CD36: variants seen among roughly 807,000 people sequenced by gnomAD.
The protein encoded by CD36 is platelet glycoprotein 4.
Under a neutral mutation model 55.2 loss-of-function variants are expected in CD36, and 119 were observed. The observed-to-expected ratio is 2.15, with a 90% confidence interval of 1.86 to 2.51. CD36 has a LOEUF of 2.51. CD36 is among the 30% of genes most tolerant of loss of function. CD36 has a pLI of 0.00. For synonymous variants in CD36, 186 were observed against 193.6 expected, an observed-to-expected ratio of 0.96 and a Z score of 0.33; for missense variants, 819 against 555.5, an observed-to-expected ratio of 1.47 and a Z score of -4.77.
Position 80,663,108 on chromosome 7 carries a change from G to A in CD36, c.548G>A (p.Arg183Lys). 6.2e-7 allele frequency: 1 copy of A among 1,613,732 alleles called. No individual in the cohort carries two copies. Among genetic ancestry groups the A allele is most frequent in the African/African-American group, 1.3e-5 (1 of 75,026 alleles). The stretch of plus-strand genomic sequence containing the variant: ...TTGAGAGAACTGTTATGGGGCTATA[G>A]GGATCCATTTTTGAGTTTGGTTCCG... The part of the protein sequence containing the change: ...RTLRELLWGY[R>K]DPFLSLVPYP... The change falls in exon 6 of 15, where the codon AGG (arginine) becomes AAG (lysine). Residue 183 changes from arginine to lysine, a missense_variant. Transcript: ENST00000447544.
intron 10 of CD36, 131 bp from the exon 11 acceptor site, chr7:80,671,791 C>T (rs903050726): frequency 4.0e-6 from 3 of 746,110 alleles, no homozygotes; most frequent in Non-Finnish European, 6.8e-6. Context: ...TGACATAATT[C>T]TTCCCCACCC....
At chr7:80,672,734 T>A in intron 11 of CD36, 36 bp from the exon 12 acceptor site, 1 of 1,412,604 alleles carries the variant, frequency 7.1e-7, no homozygotes, top group South Asian at 1.2e-5. Flanking sequence ...ATAATGTTTT[T>A]AAAAGTTGGT....
At chr7:80,672,175 A>C in intron 11 of CD36, 135 bp downstream of exon 11, 1 of 725,724 alleles carries the variant, frequency 1.4e-6, no homozygotes, top group Admixed American at 2.5e-5. Context: ...AGTTACTGAA[A>C]CTTAGGTCGA....
Position 80,672,783 on chromosome 7 carries a change from C to G in CD36, c.1139C>G (p.Thr380Ser), listed in dbSNP as rs200194486. The stretch of plus-strand genomic sequence containing the variant: ...TTCTCTTTTTAGATAACTGGATTCA[C>G]TTTACAATTTGCAAAACGGCTGCAG... ...YLDIEPITGF[T>S]LQFAKRLQVN... Residue 380 changes from threonine to serine, a missense_variant, in exon 12 of 15, where the codon ACT becomes AGT. Physicochemically the swap from Thr to Ser is moderately conservative, Grantham distance 58 (BLOSUM62 1). Transcript: ENST00000447544. 16 of 1,608,564 alleles carry G rather than the reference C, an allele frequency of 9.9e-6. No individual in the cohort carries two copies. The highest frequency in any genetic ancestry group is 1.7e-5 in the Admixed American group (1 of 59,710).
intron 1 of CD36, among the ~76,000 whole-genome samples, chr7:80,623,271 T>C (rs2115931127): frequency 6.6e-6 from 1 of 152,178 alleles, no homozygotes; most frequent in South Asian, 2.1e-4. Flanking sequence ...CAAACTCTCA[T>C]ATATACACAA....
chr7:80,670,455 ATC>A (rs1322897687), intron 9 of CD36: 5 of 223,796 alleles, frequency 2.2e-5, no homozygotes, highest in Non-Finnish European at 4.4e-5. Flanking sequence ...GGCATTTAAC[ATC>A]TCTGAATTTT....
intron 1 of CD36, among the ~76,000 whole-genome samples, chr7:80,618,336 C>T (rs35355478): frequency 6.6e-6 from 1 of 152,144 alleles, no homozygotes; most frequent in Non-Finnish European, 1.5e-5. Context: ...ACCGTAGTCC[C>T]TGAGACATGA....
At chr7:80,641,338 A>G (rs1277967275) in intron 1 of CD36, among the ~76,000 whole-genome samples, 1 of 152,112 alleles carries the variant, frequency 6.6e-6, no homozygotes, top group Non-Finnish European at 1.5e-5. Context: ...GTGTCTTTAT[A>G]AACATACATA....
At chr7:80,618,418 A>G (rs1411853053) in intron 1 of CD36, among the ~76,000 whole-genome samples, 2 of 152,164 alleles carry the variant, frequency 1.3e-5, no homozygotes, top group African/African-American at 4.8e-5. Context: ...AGTGTCACAC[A>G]TCTCTTTAAA....
chr7:80,666,204 C>T, intron 7 of CD36: 1 of 467,046 alleles, frequency 2.1e-6, no homozygotes. Flanking sequence ...CAAGATGTTT[C>T]TAATTAACAC....
At chr7:80,670,176 CA>C (rs913638485) in intron 9 of CD36, 154 bp downstream of exon 9, 199 of 605,030 alleles carry the variant, frequency 3.3e-4, no homozygotes, top group South Asian at 8.2e-4. Context: ...TTTAATAGTA[CA>C]AATTTTTTTT....
intron 1 of CD36, chr7:80,626,339 T>C (rs2115989150): frequency 6.6e-6 from 1 of 152,258 alleles, no homozygotes; most frequent in South Asian, 2.1e-4. Context: ...TGATTTATAA[T>C]GGTCGAGAAC....
At position 80,673,673 on chromosome 7, in the gene CD36, TACTATAAATCCATGCATTGATA is replaced by T. The variant is rs1398888006; in HGVS notation, c.1254+265_1254+286del. The T allele has an allele frequency of 3.7e-5, 21 of 560,628 alleles. No individual in the cohort carries two copies. The East Asian group carries it at 6.3e-4, about 17-fold the overall frequency. 34.7% of individuals were successfully genotyped at this position (560,628 alleles called of 1,614,324 possible). ...CTTCTATTGCCTGACAAGGTATTTT[TACTATAAATCCATGCATTGATA>T]GCTATAAAAATAGGAAAAACATTGA... On this transcript the variant is annotated intron_variant, in intron 13 of 14. Transcript: ENST00000447544.
intron 3 of CD36, among the ~76,000 whole-genome samples, chr7:80,650,784 C>T (rs962279288): frequency 1.3e-5 from 2 of 152,012 alleles, no homozygotes; most frequent in South Asian, 2.1e-4. Flanking sequence ...CTTATTTGTA[C>T]TTTATTTTTG....
chr7:80,641,590 G>A (rs1392322735), intron 1 of CD36, among the ~76,000 whole-genome samples: 1 of 152,028 alleles, frequency 6.6e-6, no homozygotes, highest in Non-Finnish European at 1.5e-5. Context: ...GCAATCTACT[G>A]ATCAGTAAGA....
chr7:80,661,345 A>C, intron 5 of CD36, 135 bp downstream of exon 5: 1 of 798,694 alleles, frequency 1.3e-6, no homozygotes. Flanking sequence ...ATTATTTTGA[A>C]TGGAGGCATG....
chr7:80,664,496 AG>A lies in CD36; in HGVS notation c.701+1del, dbSNP rs775534351. On this transcript the variant is annotated frameshift_variant and splice_region_variant, in exon 7 of 15. Transcript: ENST00000447544. LOFTEE classifies it high-confidence loss of function. Reference sequence around the variant, plus strand: ...CATAATCGACACATATAAAGGTAAAAGGTAAGTATTCTGGTAAAATGTGCAT... The same window carrying A: ...CATAATCGACACATATAAAGGTAAAAGTAAGTATTCTGGTAAAATGTGCAT... ...VAIIDTYKGKRNLSYWESHCD... is the reference protein window; with the variant it reads ...VAIIDTYKGKXNLSYWESHCD... The A allele has an allele frequency of 3.9e-5, 58 of 1,496,590 alleles. No homozygotes were observed. The African/African-American group carries it at 7.6e-4, about 20-fold the overall frequency. 92.7% of individuals were successfully genotyped at this position (1,496,590 alleles called of 1,614,324 possible).
rs1798176098 is a variant in CD36 at position 80,676,673 on chromosome 7, ACT to A, written c.*293_*294del. 1 of 152,106 alleles carries A rather than the reference ACT, an allele frequency of 6.6e-6. No homozygotes were observed. Among genetic ancestry groups the A allele is most frequent in the African/African-American group, 2.4e-5 (1 of 41,424 alleles). The allele number at this position is 152,106 out of a possible 1,614,324, so 9.4% of individuals were successfully genotyped here. On this transcript the variant is annotated 3_prime_UTR_variant, in exon 15 of 15. Transcript: ENST00000447544. Reference sequence around the variant, plus strand: ...TGAATACCTTCATACAGCAGGTATAACTCTTTTCTTTATGGGCTTAAATATTT... The same window carrying A: ...TGAATACCTTCATACAGCAGGTATAACTTTTCTTTATGGGCTTAAATATTT...
chr7:80,630,442 A>G (rs1794010766), intron 1 of CD36, among the ~76,000 whole-genome samples: 1 of 152,200 alleles, frequency 6.6e-6, no homozygotes, highest in East Asian at 1.9e-4. Flanking sequence ...ATGAGATGTC[A>G]AATAGCCAAA....
Sources: gnomAD v4.1 joint callset for allele counts (sites outside exome capture counted in the v4.1 genomes callset) on GRCh38, gnomAD v4.1.1 for gene constraint, MANE v1.5 for transcripts, NCBI Gene and HGNC (gene_info 2026-07-23, HGNC 2026-07-21) for gene names.